The following NETO1 variants were observed in gnomAD, a reference collection of about 807,000 sequenced individuals.
The protein encoded by NETO1 is neuropilin and tolloid like 1.
In NETO1, 26 loss-of-function variants were observed where a neutral mutation model predicts 61.3. The observed-to-expected ratio is 0.42, with a 90% CI of 0.31 to 0.59. NETO1 has a LOEUF of 0.59. NETO1 is among the 20% of genes least tolerant of loss of function. The pLI is 0.12. For synonymous variants in NETO1, 225 were observed against 225.8 expected (o/e 1.00, Z 0.03); for missense variants, 531 against 662.8 (o/e 0.80, Z 2.18).
intron 4 of NETO1, among the ~76,000 whole-genome samples, chr18:72,853,999 A>C (rs908714864): frequency 6.6e-6 from 1 of 152,170 alleles, no homozygotes; most frequent in Admixed American, 6.5e-5. Context: ...ATTGCACCGA[A>C]TATTTGAAAT....
chr18:72,840,271 A>T (rs6566672), intron 4 of NETO1, among the ~76,000 whole-genome samples: 146,245 of 152,300 alleles, frequency 0.96, 70,305 homozygotes, highest in Non-Finnish European at 0.99. Context: ...GAACTGAGGA[A>T]AAGGAAAGCC....
intron 4 of NETO1, among the ~76,000 whole-genome samples, chr18:72,817,642 C>T (rs17727260): frequency 0.1 from 15,924 of 152,260 alleles, 998 homozygotes; most frequent in Middle Eastern, 0.21. Context: ...ATACCGAATG[C>T]CTAATCACCT....
At chr18:72,814,957 T>G (rs1480725083) in intron 4 of NETO1, among the ~76,000 whole-genome samples, 1 of 152,010 alleles carries the variant, frequency 6.6e-6, no homozygotes, top group African/African-American at 2.4e-5. Flanking sequence ...ATTATTATTA[T>G]TTAGTAAAAC....
In NETO1 at chr18:72,845,771, T is replaced by A. The variant is rs112190210; in HGVS notation, c.469+13055A>T. Among the ~76,000 whole-genome samples, 600 of 152,342 alleles carry A rather than the reference T, an allele frequency of 3.9e-3. 6 individuals carry two copies. The highest frequency in any genetic ancestry group is 0.014 in the African/African-American group (574 of 41,574). ...ATAAAAGAATATTTCATCCAAACCA[T>A]ACACTAAATGTGAGATATTGCAAAC... is the stretch of plus-strand genomic sequence containing the variant. On this transcript the variant is annotated intron_variant, in intron 4 of 10. Coordinates refer to ENST00000327305, the MANE Select transcript of NETO1 (RefSeq NM_138966.5).
intron 4 of NETO1, among the ~76,000 whole-genome samples, chr18:72,823,639 CCT>C (rs1031060771): frequency 2.0e-5 from 3 of 152,064 alleles, no homozygotes; most frequent in African/African-American, 4.8e-5. Context: ...AGAAAATTCC[CCT>C]GACTCCCTGA....
chr18:72,800,525 G>C (rs576229430), intron 4 of NETO1, among the ~76,000 whole-genome samples: 1 of 152,188 alleles, frequency 6.6e-6, no homozygotes, highest in East Asian at 1.9e-4. Flanking sequence ...AACAGGCTCA[G>C]GGCTCCCAGT....
At chr18:72,809,435 T>G (rs1484070324) in intron 4 of NETO1, among the ~76,000 whole-genome samples, 1 of 152,168 alleles carries the variant, frequency 6.6e-6, no homozygotes, top group Non-Finnish European at 1.5e-5. Flanking sequence ...TTGCCTCGCT[T>G]CTAAGAGACT....
chr18:72,764,277 T>G (rs1439096148), intron 7 of NETO1, among the ~76,000 whole-genome samples: 1 of 152,176 alleles, frequency 6.6e-6, no homozygotes, highest in African/African-American at 2.4e-5. Flanking sequence ...TGGTCTAGAA[T>G]CTATTACTCT....
Position 72,867,362 on chromosome 18 carries a change from G to C in NETO1, c.-71C>G, listed in dbSNP as rs1472370781. The C allele has an allele frequency of 7.4e-7, 1 of 1,359,474 alleles. No homozygotes were observed. Among genetic ancestry groups the C allele is most frequent in the Middle Eastern group, 1.8e-4 (1 of 5,490 alleles). The allele number at this position is 1,359,474 out of a possible 1,614,324, so 84.2% of individuals were successfully genotyped here. A position where few individuals can be genotyped will look rare whatever the true frequency, so the allele number is the denominator to read the frequency against. ...AGAGACGGGAAGACTTCCAGTGGCGGGGGGAGGACAGGGTCGAGAGGTGTT... is the reference window on the plus strand; with the variant it reads ...AGAGACGGGAAGACTTCCAGTGGCGCGGGGAGGACAGGGTCGAGAGGTGTT... On this transcript the variant is annotated 5_prime_UTR_variant, in exon 1 of 11. Transcript: ENST00000327305.
At chr18:72,751,479 A>C (rs1599083410) in intron 8 of NETO1, among the ~76,000 whole-genome samples, 1 of 152,256 alleles carries the variant, frequency 6.6e-6, no homozygotes, top group East Asian at 1.9e-4. Flanking sequence ...TAGAAGGGGA[A>C]AGCTACCAGC....
chr18:72,843,979 G>C (rs1020445403), intron 4 of NETO1, among the ~76,000 whole-genome samples: 2 of 152,104 alleles, frequency 1.3e-5, no homozygotes, highest in African/African-American at 4.8e-5. Flanking sequence ...TTTGTACTTA[G>C]TTCTCCAACA....
intron 4 of NETO1, among the ~76,000 whole-genome samples, chr18:72,829,212 A>G (rs2073492275): frequency 6.6e-6 from 1 of 152,192 alleles, no homozygotes; most frequent in African/African-American, 2.4e-5. Flanking sequence ...TGGTAGTGCA[A>G]GGCATTAGAT....
intron 6 of NETO1, among the ~76,000 whole-genome samples, chr18:72,790,383 T>C (rs2072075197): frequency 5.3e-5 from 8 of 152,146 alleles, no homozygotes; most frequent in Admixed American, 5.2e-4. Flanking sequence ...CCTTGATCAT[T>C]TCCTCAAAGA....
chr18:72,801,014 C>A (rs1376846167), intron 4 of NETO1, among the ~76,000 whole-genome samples: 1 of 152,146 alleles, frequency 6.6e-6, no homozygotes, highest in Non-Finnish European at 1.5e-5. Context: ...CTATGTTTCC[C>A]AGCCTCCCTT....
At chr18:72,846,242 C>A (rs2074078980) in intron 4 of NETO1, among the ~76,000 whole-genome samples, 1 of 151,684 alleles carries the variant, frequency 6.6e-6, no homozygotes, top group Non-Finnish European at 1.5e-5. Context: ...CTGTGGCTCA[C>A]ACCTGGAATC....
chr18:72,814,944 A>T (rs200316864), intron 4 of NETO1, among the ~76,000 whole-genome samples: 125 of 152,106 alleles, frequency 8.2e-4, no homozygotes, highest in African/African-American at 2.8e-3. Flanking sequence ...AAAAAAATTT[A>T]AAATTATTAT....
intron 4 of NETO1, among the ~76,000 whole-genome samples, chr18:72,838,689 T>C (rs1301773472): frequency 1.3e-5 from 2 of 152,206 alleles, no homozygotes; most frequent in African/African-American, 2.4e-5. Flanking sequence ...TTGGTGCTAC[T>C]GGTTCTCTTA....
chr18:72,767,022 T>A (rs7236969), intron 7 of NETO1, among the ~76,000 whole-genome samples: 45,480 of 152,040 alleles, frequency 0.3, 7,998 homozygotes, highest in South Asian at 0.41. Context: ...TGTGGGCCAG[T>A]GTTGGTTTTC....
At chr18:72,834,042 A>C in intron 4 of NETO1, 1 of 834,284 alleles carries the variant, frequency 1.2e-6, no homozygotes. Context: ...ATTTTCATTT[A>C]GATACTCGTT....
Sources: gnomAD v4.1 joint callset for allele counts (sites outside exome capture counted in the v4.1 genomes callset) on GRCh38, gnomAD v4.1.1 for gene constraint, MANE v1.5 for transcripts, NCBI Gene and HGNC (gene_info 2026-07-23, HGNC 2026-07-21) for gene names.